Variants in TRA2A observed in about 807,000 individuals in gnomAD.
TRA2A encodes the protein transformer 2 alpha homolog.
In TRA2A, 31 loss-of-function variants were observed where a neutral mutation model predicts 45.7. That is an observed-to-expected ratio of 0.68 (90% CI 0.51 to 0.92). TRA2A has a LOEUF of 0.92. TRA2A is among the 40% of genes least tolerant of loss of function. The probability of loss-of-function intolerance (pLI) is 0.00; values close to 1 mark genes in which losing one functional copy is unlikely to be tolerated. For missense variants in TRA2A, 304 were observed against 367.5 expected, an observed-to-expected ratio of 0.83 and a Z score of 1.41; for synonymous variants, 132 against 126.2, an observed-to-expected ratio of 1.05 and a Z score of -0.31.
chr7:23,530,158 A>G (rs1790511455), intron 1 of TRA2A, among the ~76,000 whole-genome samples: 1 of 152,210 alleles, frequency 6.6e-6, no homozygotes, highest in African/African-American at 2.4e-5. Context: ...TTTCAAAACA[A>G]GAAGCATTTT....
intron 5 of TRA2A, chr7:23,506,557 T>G: frequency 2.8e-6 from 1 of 359,046 alleles, no homozygotes; most frequent in Admixed American, 4.4e-5. Context: ...AAGCACTGTG[T>G]TGAGCAGCAG....
At chr7:23,518,499 G>A (rs1789987746) in intron 2 of TRA2A, among the ~76,000 whole-genome samples, 1 of 151,414 alleles carries the variant, frequency 6.6e-6, no homozygotes, top group Middle Eastern at 3.2e-3. Context: ...TTGCCAGCAT[G>A]CCCAGCTAAT....
At chr7:23,524,767 C>T (rs1324897685) in intron 1 of TRA2A, among the ~76,000 whole-genome samples, 1 of 151,584 alleles carries the variant, frequency 6.6e-6, no homozygotes, top group Non-Finnish European at 1.5e-5. Context: ...TCTCAGCTCA[C>T]TGCAACCTCC....
intron 7 of TRA2A, 39 bp from the exon 8 acceptor site, chr7:23,505,608 A>AAAAAAAAAAAAAAAAAAG (rs1789293170): frequency 1.7e-6 from 1 of 591,196 alleles, no homozygotes; most frequent in Non-Finnish European, 3.0e-6. Context: ...AAAAAAAAAA[A>AAAAAAAAAAAAAAAAAAG]GTTAACAATT....
At chr7:23,522,054 A>G (rs1227034174) in intron 1 of TRA2A, 47 of 1,385,198 alleles carry the variant, frequency 3.4e-5, no homozygotes, top group Admixed American at 1.2e-4. Context: ...CCAATTCTCT[A>G]TTAACTAAGT....
rs1317357443 is a variant in TRA2A at position 23,517,475 on chromosome 7, C to T, written c.171-947G>A. ...CCTGGGCGACAGAGCAAGACTACGT[C>T]TCAAAAAAAAAAAAAAAAAAAAAAA... On this transcript the variant is annotated intron_variant, in intron 2 of 7. Transcript: ENST00000297071. 2.7e-4 allele frequency among the ~76,000 whole-genome samples: 3 copies of T among 11,128 alleles called. No homozygotes were observed. In the Admixed American group the frequency reaches 3.8e-3, roughly 14 times the overall value. 7.3% of individuals were successfully genotyped at this position (11,128 alleles called of 152,430 possible). A position where few individuals can be genotyped will look rare whatever the true frequency, so the allele number is the denominator to read the frequency against.
rs1280113913 is a variant in TRA2A at position 23,505,733 on chromosome 7, A to G, written c.838+13T>C. The G allele has an allele frequency of 3.3e-6, 5 of 1,523,720 alleles. No homozygotes were observed. The highest frequency in any genetic ancestry group is 2.3e-5 in the East Asian group (1 of 43,072). 94.4% of individuals were successfully genotyped at this position (1,523,720 alleles called of 1,614,324 possible). A position where few individuals can be genotyped will look rare whatever the true frequency, so the allele number is the denominator to read the frequency against. On this transcript the variant is annotated intron_variant, in intron 7 of 7. Transcript: ENST00000297071. Reference sequence around the variant, plus strand: ...ATGAGGTTTTTTATGCTACAAAAGTAAAGTTCACATACTTGGGCTGTAGGA... The same window carrying G: ...ATGAGGTTTTTTATGCTACAAAAGTGAAGTTCACATACTTGGGCTGTAGGA...
Position 23,505,585 on chromosome 7 carries a change from C to CAAAA in TRA2A, c.839-20_839-17dup, listed in dbSNP as rs5882904. The CAAAA allele has an allele frequency of 3.6e-3, 871 of 244,484 alleles. 22 individuals carry two copies. Among genetic ancestry groups the CAAAA allele is most frequent in the African/African-American group, 0.028 (510 of 18,038 alleles). The allele number at this position is 244,484 out of a possible 1,614,324, so 15.1% of individuals were successfully genotyped here. A position where few individuals can be genotyped will look rare whatever the true frequency, so the allele number is the denominator to read the frequency against. On this transcript the variant is annotated splice_polypyrimidine_tract_variant and intron_variant, in intron 7 of 7. Transcript: ENST00000297071. ...CAATAGCGTCCTAAAAGAGAAAAAG[C>CAAAA]AAAAAAAAAAAAAAAAAAAAAAAGT...
intron 4 of TRA2A, among the ~76,000 whole-genome samples, chr7:23,510,625 G>A (rs1445473279): frequency 3.3e-5 from 5 of 152,082 alleles, no homozygotes; most frequent in South Asian, 2.1e-4. Flanking sequence ...CACTGTGCCC[G>A]GCCTGCCATT....
rs147212030 is a variant in TRA2A, at chr7:23,517,090, C to T, written c.171-562G>A. Among the ~76,000 whole-genome samples, 532 of 151,854 alleles carry T rather than the reference C, an allele frequency of 3.5e-3. 4 individuals carry two copies. The highest frequency in any genetic ancestry group is 0.023 in the South Asian group (110 of 4,790). On this transcript the variant is annotated intron_variant, in intron 2 of 7. Coordinates refer to ENST00000297071, the MANE Select transcript of TRA2A (RefSeq NM_013293.5). Reference sequence around the variant, plus strand: ...ACCGCACTCCAGCATGGTAACAGAACGAGACTCTGTCTCAAATAAATAAAT... The same window carrying T: ...ACCGCACTCCAGCATGGTAACAGAATGAGACTCTGTCTCAAATAAATAAAT...
chr7:23,509,131 C>G lies in TRA2A; in HGVS notation c.526-1596G>C, dbSNP rs138861916. Among the ~76,000 whole-genome samples, 876 of 152,220 alleles carry G rather than the reference C, an allele frequency of 5.8e-3. 12 individuals carry two copies. The highest frequency in any genetic ancestry group is 0.02 in the African/African-American group (839 of 41,522). On this transcript the variant is annotated intron_variant, in intron 4 of 7. Coordinates refer to ENST00000297071, the MANE Select transcript of TRA2A (RefSeq NM_013293.5). ...GGATTAGAGGCATGAGCCACCACAC[C>G]CGGTCCAATTTTTAAAAAGAACTTT...
chr7:23,515,420 A>G (rs889933685), intron 3 of TRA2A, among the ~76,000 whole-genome samples: 1 of 151,748 alleles, frequency 6.6e-6, no homozygotes, highest in African/African-American at 2.4e-5. Flanking sequence ...TAGTAGAGAC[A>G]GGGTTTCACC....
At chr7:23,530,698 G>A (rs1790538387) in intron 1 of TRA2A, among the ~76,000 whole-genome samples, 1 of 152,096 alleles carries the variant, frequency 6.6e-6, no homozygotes, top group South Asian at 2.1e-4. Flanking sequence ...CGTATTCTTT[G>A]TGATGTTTGT....
chr7:23,517,465 A>G (rs2170684), intron 2 of TRA2A, among the ~76,000 whole-genome samples: 75,955 of 116,498 alleles, frequency 0.65, 26,081 homozygotes, highest in African/African-American at 0.85. Context: ...GCGACAGAGC[A>G]AGACTACGTC....
rs1280364467 is a variant in TRA2A at position 23,531,950 on chromosome 7, C to T, written c.-126G>A. 4.8e-5 allele frequency: 48 copies of T among 1,004,402 alleles called. No homozygotes were observed. The highest frequency in any genetic ancestry group is 6.3e-5 in the Non-Finnish European group (42 of 670,022). The allele number at this position is 1,004,402 out of a possible 1,614,324, so 62.2% of individuals were successfully genotyped here. On this transcript the variant is annotated 5_prime_UTR_variant, in exon 1 of 8. Transcript: ENST00000297071. ...GTCGGCAACCACAGCCGCTCCACTC[C>T]ACTCCCACTCGGTCGCAGGCTCCAG...
rs546959096 is a variant in TRA2A, at chr7:23,529,502, C to T, written c.36+2287G>A. Among the ~76,000 whole-genome samples the T allele has an allele frequency of 4.6e-5, 7 of 152,268 alleles. No individual in the cohort carries two copies. In the South Asian group the frequency reaches 1.5e-3, roughly 32 times the overall value. Reference sequence around the variant, plus strand: ...CTCGAACTCCTAACCTCAAGTAATCCACCCGCCTCAGCCTCCCAAAAATTG... The same window carrying T: ...CTCGAACTCCTAACCTCAAGTAATCTACCCGCCTCAGCCTCCCAAAAATTG... On this transcript the variant is annotated intron_variant, in intron 1 of 7. Coordinates refer to ENST00000297071, the MANE Select transcript of TRA2A (RefSeq NM_013293.5).
intron 4 of TRA2A, among the ~76,000 whole-genome samples, chr7:23,509,077 C>CT (rs1789475067): frequency 6.6e-6 from 1 of 151,912 alleles, no homozygotes; most frequent in Non-Finnish European, 1.5e-5. Flanking sequence ...AACTCCTGGG[C>CT]TCAAGTAAAT....
intron 4 of TRA2A, among the ~76,000 whole-genome samples, chr7:23,509,241 A>T (rs1056970007): frequency 6.6e-6 from 1 of 152,096 alleles, no homozygotes; most frequent in Non-Finnish European, 1.5e-5. Flanking sequence ...AAATTCTCTA[A>T]GTTGATCTCC....
intron 2 of TRA2A, among the ~76,000 whole-genome samples, chr7:23,518,366 G>A (rs373987460): frequency 6.6e-6 from 1 of 150,996 alleles, no homozygotes; most frequent in Middle Eastern, 3.3e-3. Flanking sequence ...TTTGGAGACA[G>A]AGTCTCACTT....
Sources: gnomAD v4.1 joint callset for allele counts (sites outside exome capture counted in the v4.1 genomes callset) on GRCh38, gnomAD v4.1.1 for gene constraint, MANE v1.5 for transcripts, NCBI Gene and HGNC (gene_info 2026-07-23, HGNC 2026-07-21) for gene names.